ANO2: variants seen among roughly 807,000 people sequenced by gnomAD.
ANO2 encodes anoctamin 2, also known as anoctamin-2.
In ANO2, 101 loss-of-function variants were observed where a neutral mutation model predicts 124.2. The ratio of observed to expected loss-of-function variants is 0.81; its 90% CI spans 0.69 to 0.96. The LOEUF is 0.96. Among genes scored for constraint, ANO2 ranks in the 40% least tolerant of loss-of-function variants. The pLI is 0.00. For synonymous variants in ANO2, 486 were observed against 482.5 expected (o/e 1.01, Z -0.09); for missense variants, 1,293 against 1,274.5 (o/e 1.01, Z -0.22).
intron 16 of ANO2, among the ~76,000 whole-genome samples, chr12:5,626,718 G>C (rs1040107663): frequency 1.3e-5 from 2 of 152,210 alleles, no homozygotes; most frequent in African/African-American, 4.8e-5. Flanking sequence ...TGGCATGGCT[G>C]ATGCCCAGGA....
At chr12:5,777,465 G>A (rs1414832307) in intron 10 of ANO2, among the ~76,000 whole-genome samples, 1 of 152,140 alleles carries the variant, frequency 6.6e-6, no homozygotes, top group Admixed American at 6.5e-5. Flanking sequence ...TTCAAAGCCT[G>A]GCAAGTGGCA....
intron 3 of ANO2, among the ~76,000 whole-genome samples, chr12:5,919,524 G>T (rs1415164637): frequency 7.0e-6 from 1 of 141,946 alleles, no homozygotes; most frequent in East Asian, 2.1e-4. Flanking sequence ...CCAAAGCAGA[G>T]AGGGCAATAG....
chr12:5,811,297 T>C (rs140679882), intron 7 of ANO2, among the ~76,000 whole-genome samples: 1,704 of 152,344 alleles, frequency 0.011, 34 homozygotes, highest in African/African-American at 0.038. Context: ...ACGGTGCATT[T>C]AACAGAGACT....
intron 10 of ANO2, among the ~76,000 whole-genome samples, chr12:5,791,732 C>T (rs1387855013): frequency 2.6e-5 from 4 of 152,158 alleles, no homozygotes; most frequent in Non-Finnish European, 2.9e-5. Context: ...TAAGAATACC[C>T]ACTTCACAGG....
At chr12:5,598,855 T>C (rs1362703360) in intron 20 of ANO2, among the ~76,000 whole-genome samples, 3 of 152,184 alleles carry the variant, frequency 2.0e-5, no homozygotes, top group African/African-American at 7.2e-5. Context: ...TCTAAAATGA[T>C]TGTGTTCCAT....
intron 1 of ANO2, among the ~76,000 whole-genome samples, chr12:5,933,116 G>C (rs7398896): frequency 0.4 from 61,467 of 152,032 alleles, 13,838 homozygotes; most frequent in East Asian, 0.79. Flanking sequence ...GGCACAGAAA[G>C]GGCCCTATCT....
chr12:5,912,559 C>T (rs1365271157), intron 3 of ANO2, among the ~76,000 whole-genome samples: 1 of 152,100 alleles, frequency 6.6e-6, no homozygotes, highest in Admixed American at 6.5e-5. Context: ...CTTGCCTTGC[C>T]CCTCCCTGCT....
intron 14 of ANO2, among the ~76,000 whole-genome samples, chr12:5,678,175 T>G (rs10849318): frequency 0.13 from 19,517 of 152,168 alleles, 1,311 homozygotes; most frequent in East Asian, 0.22. Flanking sequence ...GCTGGCAGAT[T>G]TTTACATGTA....
intron 14 of ANO2, among the ~76,000 whole-genome samples, chr12:5,725,184 A>T (rs1187062282): frequency 6.6e-6 from 1 of 151,720 alleles, no homozygotes; most frequent in Non-Finnish European, 1.5e-5. Context: ...ATACTAACAC[A>T]ATCTCACACA....
intron 11 of ANO2, among the ~76,000 whole-genome samples, chr12:5,747,649 G>A (rs1245160892): frequency 2.0e-5 from 3 of 152,174 alleles, no homozygotes; most frequent in Non-Finnish European, 4.4e-5. Context: ...TCAGATTTCA[G>A]TATGCAAATA....
intron 14 of ANO2, among the ~76,000 whole-genome samples, chr12:5,709,360 G>A (rs1165184775): frequency 2.6e-5 from 4 of 152,224 alleles, no homozygotes; most frequent in Non-Finnish European, 4.4e-5. Flanking sequence ...TATGGAACAC[G>A]AGATGTGCAA....
intron 3 of ANO2, among the ~76,000 whole-genome samples, chr12:5,871,378 C>T (rs1253559617): frequency 6.6e-6 from 1 of 152,140 alleles, no homozygotes; most frequent in Non-Finnish European, 1.5e-5. Context: ...ACACAGTGTC[C>T]AAGTGTCCAC....
chr12:5,855,701 G>A (rs1251584247), intron 3 of ANO2, among the ~76,000 whole-genome samples: 1 of 152,168 alleles, frequency 6.6e-6, no homozygotes, highest in African/African-American at 2.4e-5. Flanking sequence ...ATGCTGTAAG[G>A]CCAGTACTAC....
At chr12:5,943,424 C>T (rs576212994) in intron 1 of ANO2, among the ~76,000 whole-genome samples, 1 of 152,060 alleles carries the variant, frequency 6.6e-6, no homozygotes, top group Non-Finnish European at 1.5e-5. Context: ...AACTAAATAT[C>T]ATATGTTCTC....
chr12:5,578,519 C>G lies in ANO2; in HGVS notation c.2234-1G>C, dbSNP rs1366326677. ...AGGGTGACAAAACCAAACTGGATGA[C>G]TGCGAGAGAGCACAGCATGAGGGCT... On this transcript the variant is annotated splice_acceptor_variant, in intron 20 of 24. Transcript: ENST00000682330. LOFTEE classifies it high-confidence loss of function. The G allele has an allele frequency of 6.2e-7, 1 of 1,612,482 alleles. No individual in the cohort carries two copies. Among genetic ancestry groups the G allele is most frequent in the Non-Finnish European group, 8.5e-7 (1 of 1,179,298 alleles).
At chr12:5,799,437 A>G (rs1417940262) in intron 10 of ANO2, 70 bp downstream of exon 10, 1 of 1,335,138 alleles carries the variant, frequency 7.5e-7, no homozygotes, top group East Asian at 2.3e-5. Flanking sequence ...TCAGAGTCAA[A>G]AGGTTTATGA....
chr12:5,910,729 CA>C (rs1184873157), intron 3 of ANO2, among the ~76,000 whole-genome samples: 2 of 152,072 alleles, frequency 1.3e-5, no homozygotes, highest in African/African-American at 4.8e-5. Flanking sequence ...AGAAGCTGTC[CA>C]GGGGTAGCAG....
At chr12:5,571,932 C>T (rs1163822533) in intron 23 of ANO2, among the ~76,000 whole-genome samples, 1 of 152,156 alleles carries the variant, frequency 6.6e-6, no homozygotes, top group Non-Finnish European at 1.5e-5. Flanking sequence ...GCCCCCAGAG[C>T]ACACCTATTT....
In ANO2 at chr12:5,565,578, C is replaced by T; in HGVS notation, c.2707G>A (p.Ala903Thr). 2 of 1,602,822 alleles carry T rather than the reference C, an allele frequency of 1.2e-6. No individual in the cohort carries two copies. The highest frequency in any genetic ancestry group is 1.3e-5 in the African/African-American group (1 of 74,884). The change falls in exon 24 of 25, where the codon GCT (alanine) becomes ACT (threonine). Residue 903 changes from alanine to threonine, a missense_variant. Physicochemically the swap from Ala to Thr is moderately conservative, Grantham distance 58. Coordinates refer to ENST00000682330, the MANE Select transcript of ANO2 (RefSeq NM_001364791.2). ...QYWFILSARL[A>T]FVIIFQNLVM... ...CTCACCTGGAAGATTATGACAAAAG[C>T]CAGACGGGCGGACAGAATAAACCAG...
Sources: allele counts gnomAD v4.1 joint callset (sites outside exome capture counted in the v4.1 genomes callset), GRCh38; gene constraint gnomAD v4.1.1; transcripts MANE v1.5; gene names NCBI Gene and HGNC (gene_info 2026-07-23, HGNC 2026-07-21).